The following ARPC1A variants were observed in gnomAD, a reference collection of about 807,000 sequenced individuals.
ARPC1A encodes the protein actin related protein 2/3 complex subunit 1A.
A neutral mutation model predicts 46.9 loss-of-function variants in ARPC1A; 8 were observed. The ratio of observed to expected loss-of-function variants is 0.17; its 90% CI spans 0.10 to 0.31. ARPC1A has a LOEUF of 0.31. Ranked by LOEUF, ARPC1A falls within the 10% of genes least tolerant of loss-of-function variation. The probability of loss-of-function intolerance (pLI) is 1.00; values close to 1 mark genes in which losing one functional copy is unlikely to be tolerated. For synonymous variants in ARPC1A, 152 were observed against 169.0 expected, an observed-to-expected ratio of 0.90 and a Z score of 0.78; for missense variants, 286 against 483.6, an observed-to-expected ratio of 0.59 and a Z score of 3.83.
Position 99,366,059 on chromosome 7 carries a change from T to C in ARPC1A, c.*130T>C. 8.9e-7 allele frequency: 1 copy of C among 1,124,622 alleles called. No individual in the cohort carries two copies. The highest frequency in any genetic ancestry group is 1.2e-6 in the Non-Finnish European group (1 of 808,196). 69.7% of individuals were successfully genotyped at this position (1,124,622 alleles called of 1,614,324 possible). ...ATATCACGCCAATGCCGTGTGGTTT[T>C]GTTTGAATATAAAATTGGTGAAAGT... On this transcript the variant is annotated 3_prime_UTR_variant, in exon 10 of 10. Coordinates refer to ENST00000262942, the MANE Select transcript of ARPC1A (RefSeq NM_006409.4).
At chr7:99,335,853 C>G (rs1372685529) in intron 2 of ARPC1A, among the ~76,000 whole-genome samples, 1 of 151,936 alleles carries the variant, frequency 6.6e-6, no homozygotes, top group African/African-American at 2.4e-5. Flanking sequence ...ACTCGGGAGG[C>G]TGAGGCAGGA....
chr7:99,334,935 C>T (rs146976350), intron 2 of ARPC1A, among the ~76,000 whole-genome samples: 2,205 of 152,296 alleles, frequency 0.014, 51 homozygotes, highest in African/African-American at 0.049. Context: ...GCTCCGCCTC[C>T]GGGGTTCACA....
At chr7:99,349,055 T>C in intron 5 of ARPC1A, 96 bp downstream of exon 5, 1 of 1,283,930 alleles carries the variant, frequency 7.8e-7, no homozygotes, top group Non-Finnish European at 1.1e-6. Flanking sequence ...TGTTTTGTTG[T>C]GGTTGTTGTT....
chr7:99,335,426 T>C, intron 2 of ARPC1A: 1 of 442,534 alleles, frequency 2.3e-6, no homozygotes, highest in South Asian at 1.6e-5. Flanking sequence ...TCTATTCCAT[T>C]GTTCTTTATG....
Position 99,354,094 on chromosome 7 carries a change from C to A in ARPC1A, c.686C>A (p.Ser229Tyr). Residue 229 changes from serine to tyrosine, a missense_variant, in exon 6 of 10, where the codon TCT (serine) becomes TAT (tyrosine). Ser to Tyr is a moderately radical substitution (Grantham distance 144, BLOSUM62 -2). Transcript: ENST00000262942. ...TGGGTCAGCCACGACAGCACCGTGT[C>A]TGTTGCTGATGCCTCAAAAAGTGTG... is the stretch of plus-strand genomic sequence containing the variant. ...LAWVSHDSTV[S>Y]VADASKSVQV... 1 of 1,614,028 alleles carries A rather than the reference C, an allele frequency of 6.2e-7. No homozygotes were observed. Among genetic ancestry groups the A allele is most frequent in the Non-Finnish European group, 8.5e-7 (1 of 1,179,928 alleles).
chr7:99,344,558 T>C (rs1231569207), intron 4 of ARPC1A, 43 bp downstream of exon 4: 2 of 1,594,746 alleles, frequency 1.3e-6, no homozygotes, highest in Non-Finnish European at 8.6e-7. Flanking sequence ...CTATAGAATT[T>C]ACATTTGCAC....
intron 4 of ARPC1A, 88 bp downstream of exon 4, chr7:99,344,603 C>T (rs1328863878): frequency 1.5e-6 from 2 of 1,355,058 alleles, no homozygotes; most frequent in Non-Finnish European, 2.1e-6. Flanking sequence ...TCCAGTTTTT[C>T]TCATCCGGAG....
At position 99,359,718 on chromosome 7, in the gene ARPC1A, G is replaced by A. The variant is rs373720602; in HGVS notation, c.963G>A (p.Thr321=). The change falls in exon 8 of 10, where the codon ACG becomes ACA. Residue 321 remains threonine (T), a synonymous_variant. Coordinates refer to ENST00000262942, the MANE Select transcript of ARPC1A (RefSeq NM_006409.4). ...TTEDRNTALE[T]LHQNSITQVS... Reference sequence around the variant, plus strand: ...AGGACCGCAACACGGCCTTGGAGACGCTGCACCAGAATAGCATCACGTAGG... The same window carrying A: ...AGGACCGCAACACGGCCTTGGAGACACTGCACCAGAATAGCATCACGTAGG... The A allele has an allele frequency of 2.3e-4, 378 of 1,614,018 alleles. 2 individuals are homozygous for A. Among genetic ancestry groups the A allele is most frequent in the Non-Finnish European group, 3.1e-4 (366 of 1,180,056 alleles).
At chr7:99,348,499 G>C (rs1486336100) in intron 4 of ARPC1A, among the ~76,000 whole-genome samples, 1 of 152,092 alleles carries the variant, frequency 6.6e-6, no homozygotes, top group Non-Finnish European at 1.5e-5. Context: ...TTGAGCCCCA[G>C]AGTTTGAGAC....
At chr7:99,337,280 G>T (rs1424535910) in intron 2 of ARPC1A, among the ~76,000 whole-genome samples, 1 of 152,162 alleles carries the variant, frequency 6.6e-6, no homozygotes, top group Non-Finnish European at 1.5e-5. Flanking sequence ...AATTAGCTGG[G>T]CGTGGTGGCG....
At chr7:99,358,536 C>CT (rs5886103) in intron 7 of ARPC1A, 121 bp downstream of exon 7, 25,047 of 316,392 alleles carry the variant, frequency 0.079, 6 homozygotes, top group South Asian at 0.092. Context: ...ACAGAGCTCA[C>CT]TTTTTTTTTT....
intron 1 of ARPC1A, among the ~76,000 whole-genome samples, chr7:99,326,279 T>A (rs187149538): frequency 0.011 from 1,740 of 152,316 alleles, 34 homozygotes; most frequent in African/African-American, 0.04. Context: ...TACTTGCACC[T>A]CTGCTGGGGG....
rs1044916586 is a variant in ARPC1A, at chr7:99,365,966, G to A, written c.*37G>A. ...CCTCCGCCATCCAGCATGACAAACT[G>A]TGGCCGACCGCAGCTGTGCCGTGGC... On this transcript the variant is annotated 3_prime_UTR_variant, in exon 10 of 10. Coordinates refer to ENST00000262942, the MANE Select transcript of ARPC1A (RefSeq NM_006409.4). 2 of 1,555,584 alleles carry A rather than the reference G, an allele frequency of 1.3e-6. No homozygotes were observed. The highest frequency in any genetic ancestry group is 1.7e-6 in the Non-Finnish European group (2 of 1,147,692).
intron 4 of ARPC1A, 39 bp from the exon 5 acceptor site, chr7:99,348,813 G>T: frequency 6.4e-7 from 1 of 1,555,424 alleles, no homozygotes; most frequent in Non-Finnish European, 8.8e-7. Context: ...GGGGATGCTG[G>T]TTGAGTGGAT....
At chr7:99,358,832 C>A in intron 7 of ARPC1A, 1 of 157,430 alleles carries the variant, frequency 6.4e-6, no homozygotes, top group Non-Finnish European at 1.4e-5. Context: ...TGCCCGGCCT[C>A]AGAGGTCACT....
intron 1 of ARPC1A, among the ~76,000 whole-genome samples, chr7:99,326,767 AT>A: frequency 6.6e-6 from 1 of 152,272 alleles, no homozygotes. Flanking sequence ...ATTAGCTATT[AT>A]TACTGCTTCT....
At chr7:99,362,846 A>G (rs1793768747) in intron 8 of ARPC1A, among the ~76,000 whole-genome samples, 1 of 151,944 alleles carries the variant, frequency 6.6e-6, no homozygotes, top group Admixed American at 6.6e-5. Flanking sequence ...TGTTTCATTT[A>G]TCTGTTCCCC....
In ARPC1A at chr7:99,338,299, G is replaced by C. The variant is rs752071657; in HGVS notation, c.169+14G>C. The C allele has an allele frequency of 2.6e-5, 40 of 1,564,550 alleles. No individual in the cohort carries two copies. The highest frequency in any genetic ancestry group is 3.4e-5 in the Non-Finnish European group (39 of 1,141,392). ...GACACATCACAGGTAAAGGAAGATA[G>C]CCGTGAGCTTAGTGTGATATTTCCA... On this transcript the variant is annotated intron_variant, in intron 3 of 9. Transcript: ENST00000262942.
At chr7:99,326,934 C>T (rs528910901) in intron 1 of ARPC1A, among the ~76,000 whole-genome samples, 3 of 152,180 alleles carry the variant, frequency 2.0e-5, no homozygotes, top group Admixed American at 6.5e-5. Flanking sequence ...ACATGATAGG[C>T]ACTTAATCAG....
Sources: gnomAD v4.1 joint callset for allele counts (sites outside exome capture counted in the v4.1 genomes callset) on GRCh38, gnomAD v4.1.1 for gene constraint, MANE v1.5 for transcripts, NCBI Gene and HGNC (gene_info 2026-07-23, HGNC 2026-07-21) for gene names.